KCNK2: variants seen among roughly 807,000 people sequenced by gnomAD.
KCNK2 encodes potassium two pore domain channel subfamily K member 2, also known as potassium channel subfamily K member 2.
KCNK2 carries 21 observed loss-of-function variants against 40.5 expected under a neutral mutation model. The observed-to-expected ratio is 0.52, with a 90% CI of 0.37 to 0.75. KCNK2 has a LOEUF of 0.75. Ranked by LOEUF, KCNK2 falls within the 30% of genes least tolerant of loss-of-function variation. The pLI is 0.00. For synonymous variants in KCNK2, 191 were observed against 202.2 expected (o/e 0.94, Z 0.47); for missense variants, 399 against 531.6 (o/e 0.75, Z 2.45).
intron 2 of KCNK2, among the ~76,000 whole-genome samples, chr1:215,112,990 T>A (rs1247019728): frequency 6.6e-6 from 1 of 152,188 alleles, no homozygotes; most frequent in African/African-American, 2.4e-5. Flanking sequence ...ATGACTATAC[T>A]GTATTCTGAC....
At position 215,113,185 on chromosome 1, in the gene KCNK2, G is replaced by A. The variant is rs113491265; in HGVS notation, c.358-11448G>A. On this transcript the variant is annotated intron_variant, in intron 2 of 6. Coordinates refer to ENST00000444842, the MANE Select transcript of KCNK2 (RefSeq NM_001017425.3). ...TGGATAAAATAAAATGTTCACCGACGTTCAACTTTATGAGTTAGTTCTTTA... is the reference window on the plus strand; with the variant it reads ...TGGATAAAATAAAATGTTCACCGACATTCAACTTTATGAGTTAGTTCTTTA... Among the ~76,000 whole-genome samples the A allele has an allele frequency of 2.4e-3, 361 of 152,154 alleles. 1 individual carries two copies. Among genetic ancestry groups the A allele is most frequent in the African/African-American group, 8.3e-3 (344 of 41,520 alleles).
At chr1:215,136,501 A>T (rs1162974668) in intron 3 of KCNK2, among the ~76,000 whole-genome samples, 1 of 152,220 alleles carries the variant, frequency 6.6e-6, no homozygotes, top group East Asian at 1.9e-4. Context: ...TTTAAAATCT[A>T]TGCTCTTATA....
At chr1:215,103,865 A>G (rs1238538840) in intron 2 of KCNK2, among the ~76,000 whole-genome samples, 2 of 151,946 alleles carry the variant, frequency 1.3e-5, no homozygotes, top group Admixed American at 6.6e-5. Context: ...TTTATTCCCT[A>G]TCGTTTTCCC....
Position 215,228,160 on chromosome 1 carries a change from G to C in KCNK2, c.964-6668G>C, listed in dbSNP as rs562533671. ...AACAATCGGAAGGATGTGATTATCC[G>C]GGGAGAATGAAAATAGAACCCTGCA... On this transcript the variant is annotated intron_variant, in intron 6 of 6. Transcript: ENST00000444842. Among the ~76,000 whole-genome samples, 29 of 152,214 alleles carry C rather than the reference G, an allele frequency of 1.9e-4. No homozygotes were observed. In the East Asian group the frequency reaches 5.6e-3, roughly 29 times the overall value.
chr1:215,171,927 T>A, intron 4 of KCNK2, 70 bp from the exon 5 acceptor site: 1 of 678,428 alleles, frequency 1.5e-6, no homozygotes, highest in Non-Finnish European at 2.0e-6. Flanking sequence ...TTTGTCTCTC[T>A]CTCTCTCTCT....
intron 6 of KCNK2, among the ~76,000 whole-genome samples, chr1:215,209,476 T>TTATATATAATATTATATATTA (rs370130203): frequency 4.6e-5 from 2 of 43,194 alleles, no homozygotes; most frequent in African/African-American, 2.0e-4. Flanking sequence ...ATAATATATA[T>TTATATATAATATTATATATTA]TATATATAAT....
intron 1 of KCNK2, among the ~76,000 whole-genome samples, chr1:215,021,563 TGAGACGGAA>T (rs1558059385): frequency 0.032 from 3,054 of 95,200 alleles, 231 homozygotes; most frequent in East Asian, 0.12. Flanking sequence ...TTTTTTTTTT[TGAGACGGAA>T]TCTCGCTCTG....
chr1:215,169,643 C>G (rs930041417), intron 4 of KCNK2, among the ~76,000 whole-genome samples: 10 of 146,078 alleles, frequency 6.8e-5, no homozygotes, highest in African/African-American at 2.5e-4. Flanking sequence ...CTTTTTCTTT[C>G]TTTTTTTTTT....
At chr1:215,057,521 G>A (rs1012942934) in intron 1 of KCNK2, among the ~76,000 whole-genome samples, 2 of 152,142 alleles carry the variant, frequency 1.3e-5, no homozygotes, top group Non-Finnish European at 2.9e-5. Flanking sequence ...TGATTTTGTG[G>A]AGTGGAAGCT....
At chr1:215,151,959 T>C (rs1353705957) in intron 3 of KCNK2, among the ~76,000 whole-genome samples, 2 of 152,148 alleles carry the variant, frequency 1.3e-5, no homozygotes, top group Admixed American at 1.3e-4. Context: ...TAAGTGTTGA[T>C]TGTATTTACC....
intron 1 of KCNK2, among the ~76,000 whole-genome samples, chr1:215,058,238 C>T (rs1332317613): frequency 6.6e-6 from 1 of 152,140 alleles, no homozygotes; most frequent in Non-Finnish European, 1.5e-5. Context: ...GAGGTCCTCA[C>T]TCCTCATGTT....
At chr1:215,114,242 A>G (rs1660826041) in intron 2 of KCNK2, among the ~76,000 whole-genome samples, 1 of 152,168 alleles carries the variant, frequency 6.6e-6, no homozygotes, top group African/African-American at 2.4e-5. Flanking sequence ...TTAGTATCTT[A>G]GTTGTGAATG....
chr1:215,214,783 G>A (rs1339963147), intron 6 of KCNK2, among the ~76,000 whole-genome samples: 2 of 152,104 alleles, frequency 1.3e-5, no homozygotes, highest in Non-Finnish European at 2.9e-5. Flanking sequence ...CCCAGATCAT[G>A]CCACTGCACT....
chr1:215,167,720 T>C (rs927730051), intron 3 of KCNK2, among the ~76,000 whole-genome samples: 3 of 152,186 alleles, frequency 2.0e-5, no homozygotes, highest in African/African-American at 7.2e-5. Flanking sequence ...TAAGCATATC[T>C]GAATACTCTC....
chr1:215,077,528 A>T (rs901204291), intron 1 of KCNK2, among the ~76,000 whole-genome samples: 2 of 152,190 alleles, frequency 1.3e-5, no homozygotes, highest in Non-Finnish European at 2.9e-5. Flanking sequence ...TGTTCTGCAC[A>T]TAGCAACCAG....
intron 1 of KCNK2, among the ~76,000 whole-genome samples, chr1:215,066,880 A>T (rs1170044008): frequency 6.6e-6 from 1 of 152,246 alleles, no homozygotes; most frequent in African/African-American, 2.4e-5. Flanking sequence ...AATCTTGACA[A>T]CATACATTTT....
chr1:215,184,646 A>G (rs527336379), intron 5 of KCNK2, among the ~76,000 whole-genome samples: 1 of 152,288 alleles, frequency 6.6e-6, no homozygotes, highest in East Asian at 1.9e-4. Context: ...AGAACCTTAT[A>G]AAACCACCAG....
chr1:215,077,103 T>A (rs142828627), intron 1 of KCNK2, among the ~76,000 whole-genome samples: 209 of 152,292 alleles, frequency 1.4e-3, no homozygotes, highest in African/African-American at 4.7e-3. Context: ...CTTTTCTGAG[T>A]GTGTCATAGG....
chr1:215,006,268 C>T (rs892192249), intron 1 of KCNK2, among the ~76,000 whole-genome samples: 1 of 152,140 alleles, frequency 6.6e-6, no homozygotes, highest in African/African-American at 2.4e-5. Flanking sequence ...AATTCCATTG[C>T]ATTTAGATTC....
Sources: gnomAD v4.1 joint callset for allele counts (sites outside exome capture counted in the v4.1 genomes callset) on GRCh38, gnomAD v4.1.1 for gene constraint, MANE v1.5 for transcripts, NCBI Gene and HGNC (gene_info 2026-07-23, HGNC 2026-07-21) for gene names.